Variants in TUBGCP2 observed in about 807,000 individuals in gnomAD.
TUBGCP2 encodes the protein tubulin gamma complex component 2.
A neutral mutation model predicts 92.2 loss-of-function variants in TUBGCP2; 55 were observed. The observed-to-expected ratio is 0.60, with a 90% confidence interval of 0.48 to 0.75. TUBGCP2 has a LOEUF of 0.75. TUBGCP2 is among the 30% of genes least tolerant of loss of function. TUBGCP2 has a pLI of 0.00. For synonymous variants in TUBGCP2, 533 were observed against 505.2 expected, an observed-to-expected ratio of 1.06 and a Z score of -0.74; for missense variants, 1,093 against 1,188.9, an observed-to-expected ratio of 0.92 and a Z score of 1.19.
upstream of TUBGCP2, among the ~76,000 whole-genome samples, chr10:133,311,239 A>C (rs1847982494): frequency 6.6e-6 from 1 of 152,226 alleles, no homozygotes; most frequent in African/African-American, 2.4e-5. Context: ...TTTAAAATAA[A>C]AGAACTGGGA....
At chr10:133,283,820 C>T in intron 14 of TUBGCP2, 62 bp downstream of exon 14, 1 of 1,597,506 alleles carries the variant, frequency 6.3e-7, no homozygotes. Flanking sequence ...TCCTGCACTT[C>T]CTGTCTCCCT....
intron 11 of TUBGCP2, among the ~76,000 whole-genome samples, chr10:133,286,876 G>C (rs1206355027): frequency 6.6e-6 from 1 of 152,188 alleles, no homozygotes; most frequent in Admixed American, 6.5e-5. Context: ...GCTGCACTCG[G>C]AGGGATGTTT....
intron 4 of TUBGCP2, among the ~76,000 whole-genome samples, chr10:133,299,041 T>C (rs1030575400): frequency 6.6e-6 from 1 of 152,222 alleles, no homozygotes; most frequent in Non-Finnish European, 1.5e-5. Flanking sequence ...AATTACTGTA[T>C]TTTCGAGAAT....
At chr10:133,311,476 T>C (rs762755354), upstream of TUBGCP2, 4 of 459,578 alleles carry the variant, frequency 8.7e-6, no homozygotes, top group Non-Finnish European at 1.5e-5. Flanking sequence ...CAAAAAAAAG[T>C]ATGATTGTTA....
upstream of TUBGCP2, chr10:133,309,013 G>A: frequency 7.9e-7 from 1 of 1,259,902 alleles, no homozygotes; most frequent in Non-Finnish European, 1.0e-6. Flanking sequence ...GCTGCCTGTA[G>A]AGCGGGATCC....
At chr10:133,290,846 G>A (rs1847268329) in intron 8 of TUBGCP2, 1 of 152,396 alleles carries the variant, frequency 6.6e-6, no homozygotes, top group South Asian at 2.1e-4. Flanking sequence ...CTTTAAAGGT[G>A]CCCATTATAC....
chr10:133,308,947 C>T, upstream of TUBGCP2: 8 of 1,231,762 alleles, frequency 6.5e-6, no homozygotes, highest in Non-Finnish European at 6.1e-6. Context: ...CGGGGTGATG[C>T]AGTTGCCCCC....
chr10:133,284,261 G>C (rs1458799023), intron 13 of TUBGCP2, among the ~76,000 whole-genome samples: 1 of 152,258 alleles, frequency 6.6e-6, no homozygotes, highest in Non-Finnish European at 1.5e-5. Flanking sequence ...AGACTGGGAC[G>C]CGGGCTCCTT....
In TUBGCP2 at chr10:133,288,849, G is replaced by A. The variant is rs1847201196; in HGVS notation, c.1532C>T (p.Ala511Val). 1 of 1,610,386 alleles carries A rather than the reference G, an allele frequency of 6.2e-7. No homozygotes were observed. The highest frequency in any genetic ancestry group is 8.5e-7 in the Non-Finnish European group (1 of 1,177,994). Reference protein sequence around the residue: ...DFLMEEKELVAHLRSIKRYFL... With the variant: ...DFLMEEKELVVHLRSIKRYFL... Reference sequence around the variant, plus strand: ...CAGGGCACGGAATCACCTGAGGTGAGCCACCAGCTCCTTCTCCTCCATCAG... The same window carrying A: ...CAGGGCACGGAATCACCTGAGGTGAACCACCAGCTCCTTCTCCTCCATCAG... The change falls in exon 10 of 18, where the codon GCT becomes GTT. Residue 511 changes from alanine to valine, a missense_variant. Transcript: ENST00000252936.
At chr10:133,299,750 G>C (rs1003401252) in intron 3 of TUBGCP2, 147 bp from the exon 4 acceptor site, 2 of 851,266 alleles carry the variant, frequency 2.3e-6, no homozygotes, top group Non-Finnish European at 3.6e-6. Context: ...GGCAGGAACT[G>C]AGCGTGACAC....
At position 133,283,225 on chromosome 10, in the gene TUBGCP2, C is replaced by T. The variant is rs565893297; in HGVS notation, c.2146-4G>A. The T allele has an allele frequency of 1.2e-5, 20 of 1,614,156 alleles. No homozygotes were observed. The highest frequency in any genetic ancestry group is 2.7e-5 in the African/African-American group (2 of 75,060). Reference sequence around the variant, plus strand: ...GGACGTCGTCAATGTTGGAGGCCTGCGGGGAACAGGCCAAGCCCCTTCTCA... The same window carrying T: ...GGACGTCGTCAATGTTGGAGGCCTGTGGGGAACAGGCCAAGCCCCTTCTCA... On this transcript the variant is annotated splice_region_variant and splice_polypyrimidine_tract_variant and intron_variant, in intron 14 of 17. Transcript: ENST00000252936.
chr10:133,293,413 G>T, intron 6 of TUBGCP2, 149 bp downstream of exon 6: 1 of 1,182,718 alleles, frequency 8.5e-7, no homozygotes, highest in Non-Finnish European at 1.2e-6. Flanking sequence ...GTGACTCACA[G>T]ACCCTCCAAA....
chr10:133,302,272 C>T (rs1379462544), intron 2 of TUBGCP2: 1 of 167,622 alleles, frequency 6.0e-6, no homozygotes. Flanking sequence ...CGGGCACTCA[C>T]CCTGCATCTT....
At chr10:133,304,623 AG>A (rs1358140288) in intron 1 of TUBGCP2, among the ~76,000 whole-genome samples, 1 of 152,282 alleles carries the variant, frequency 6.6e-6, no homozygotes, top group Non-Finnish European at 1.5e-5. Flanking sequence ...CCGAGGCAAG[AG>A]ACCGAGGGCA....
At chr10:133,286,714 T>TCACAA (rs563666743) in intron 11 of TUBGCP2, among the ~76,000 whole-genome samples, 484 of 152,164 alleles carry the variant, frequency 3.2e-3, no homozygotes, top group African/African-American at 0.011. Context: ...AACAAGGAGA[T>TCACAA]AAAGTTAGAA....
In TUBGCP2 at chr10:133,291,271, ATGTCCCTCCGTGTCCCTG is replaced by A. The variant is rs1166132748; in HGVS notation, c.1214+1210_1214+1227del. On this transcript the variant is annotated intron_variant, in intron 8 of 17. Transcript: ENST00000252936. ...TCCCCCATGTCCCTCCGTGTCCCCC[ATGTCCCTCCGTGTCCCTG>A]TGTCCCGGGGAGCCCTACCTGTACG... Among the ~76,000 whole-genome samples, 5 of 34,748 alleles carry A rather than the reference ATGTCCCTCCGTGTCCCTG, an allele frequency of 1.4e-4. No individual in the cohort carries two copies. The African/African-American group carries it at 3.5e-3, about 24-fold the overall frequency. 22.8% of individuals were successfully genotyped at this position (34,748 alleles called of 152,430 possible). A position where few individuals can be genotyped will look rare whatever the true frequency, so the allele number is the denominator to read the frequency against.
intron 11 of TUBGCP2, among the ~76,000 whole-genome samples, chr10:133,286,370 T>C (rs1426394700): frequency 6.6e-6 from 1 of 152,178 alleles, no homozygotes; most frequent in Non-Finnish European, 1.5e-5. Context: ...TACGAAAATA[T>C]TCCTGCTCCT....
chr10:133,304,011 C>G (rs906916591), intron 1 of TUBGCP2, among the ~76,000 whole-genome samples: 1 of 152,218 alleles, frequency 6.6e-6, no homozygotes, highest in African/African-American at 2.4e-5. Flanking sequence ...TAGCCTCTGT[C>G]ACCAAGAGTT....
chr10:133,312,223 G>C (rs1475747736), upstream of TUBGCP2: 2 of 1,383,002 alleles, frequency 1.4e-6, no homozygotes. Context: ...AGCGTCACCT[G>C]TGCCGTCTGC....
Sources: gnomAD v4.1 joint callset for allele counts (sites outside exome capture counted in the v4.1 genomes callset) on GRCh38, gnomAD v4.1.1 for gene constraint, MANE v1.5 for transcripts, NCBI Gene and HGNC (gene_info 2026-07-23, HGNC 2026-07-21) for gene names.